Variants in CSAD observed in about 807,000 individuals in gnomAD.
CSAD encodes the protein cysteine sulfinic acid decarboxylase.
CSAD carries 47 observed loss-of-function variants against 61.5 expected under a neutral mutation model. That is an observed-to-expected ratio of 0.76 (90% CI 0.60 to 0.97). CSAD has a LOEUF of 0.97. Ranked by LOEUF, CSAD falls within the 50% of genes least tolerant of loss-of-function variation. The probability of loss-of-function intolerance (pLI) is 0.00; values close to 1 mark genes in which losing one functional copy is unlikely to be tolerated. For synonymous variants in CSAD, 245 were observed against 252.7 expected, an observed-to-expected ratio of 0.97 and a Z score of 0.29; for missense variants, 611 against 643.6, an observed-to-expected ratio of 0.95 and a Z score of 0.55.
In CSAD at chr12:53,170,714, ATTTG is replaced by A. The variant is rs1176101382; in HGVS notation, c.568-216_568-213del. The stretch of plus-strand genomic sequence containing the variant: ...TCTAGGGTGGGGCCCAAGATTCTGC[ATTTG>A]TTTGTTTTTTTTTTTTTTGGAGACA... On this transcript the variant is annotated intron_variant, in intron 8 of 16. Transcript: ENST00000444623. 4.5e-4 allele frequency: 246 copies of A among 550,528 alleles called. 1 individual carries two copies. Among genetic ancestry groups the A allele is most frequent in the African/African-American group, 4.4e-3 (221 of 50,706 alleles). The allele number at this position is 550,528 out of a possible 1,614,324, so 34.1% of individuals were successfully genotyped here.
At chr12:53,169,963 G>A (rs2121509602) in intron 10 of CSAD, 109 bp downstream of exon 10, 2 of 931,004 alleles carry the variant, frequency 2.1e-6, no homozygotes, top group East Asian at 2.4e-5. Flanking sequence ...CCACAGGGGA[G>A]ATGGGCATGG....
chr12:53,162,259 C>A (rs1939374136), intron 10 of CSAD, among the ~76,000 whole-genome samples: 1 of 151,074 alleles, frequency 6.6e-6, no homozygotes, highest in African/African-American at 2.4e-5. Flanking sequence ...GGCAAAAGAG[C>A]AAGATTCTGT....
chr12:53,173,655 G>A lies in CSAD; in HGVS notation c.-7+73C>T, dbSNP rs1180957698. 4.2e-6 allele frequency: 6 copies of A among 1,437,984 alleles called. No homozygotes were observed. The African/African-American group carries it at 5.6e-5, about 13-fold the overall frequency. The allele number at this position is 1,437,984 out of a possible 1,614,324, so 89.1% of individuals were successfully genotyped here. The stretch of plus-strand genomic sequence containing the variant: ...GGAGAAAACCAGTGGGAACAGGTGG[G>A]AGAGAAAAGGCAGTCAGTGCTGAGC... On this transcript the variant is annotated intron_variant, in intron 3 of 16. Coordinates refer to ENST00000444623, the MANE Select transcript of CSAD (RefSeq NM_001244705.2).
At chr12:53,164,925 G>A (rs1360687391) in intron 10 of CSAD, among the ~76,000 whole-genome samples, 2 of 152,044 alleles carry the variant, frequency 1.3e-5, no homozygotes, top group African/African-American at 4.8e-5. Context: ...TTGCTAATAA[G>A]CACATGAAAA....
rs781132179 is a variant in CSAD at position 53,171,453 on chromosome 12, A to AG, written c.452-13dup. The AG allele has an allele frequency of 6.2e-7, 1 of 1,612,870 alleles. No homozygotes were observed. Among genetic ancestry groups the AG allele is most frequent in the Non-Finnish European group, 8.5e-7 (1 of 1,179,786 alleles). On this transcript the variant is annotated splice_polypyrimidine_tract_variant and intron_variant, in intron 7 of 16. Transcript: ENST00000444623. ...GGAGATGGAGCCACCTGTCACAGGG[A>AG]GGGGGCGGTGGCAAGAGGAAGGAGC...
chr12:53,172,334 T>C lies in CSAD; in HGVS notation c.344+12A>G. 6.2e-7 allele frequency: 1 copy of C among 1,611,656 alleles called. No individual in the cohort carries two copies. Among genetic ancestry groups the C allele is most frequent in the Admixed American group, 1.7e-5 (1 of 60,014 alleles). On this transcript the variant is annotated intron_variant, in intron 6 of 16. Coordinates refer to ENST00000444623, the MANE Select transcript of CSAD (RefSeq NM_001244705.2). ...CCTTTGTGGGATGGTAGAGGGGCCT[T>C]GGGATGCTCACTGGCTGGTGTTGAG...
chr12:53,162,176 G>A (rs1400877650), intron 10 of CSAD, among the ~76,000 whole-genome samples: 2 of 151,956 alleles, frequency 1.3e-5, no homozygotes, highest in Non-Finnish European at 2.9e-5. Flanking sequence ...CCGAGGCAGA[G>A]GCATGAGAAT....
At chr12:53,159,764 T>TCCCTCTCCCTGCCCCTTTC (rs781687284) in intron 15 of CSAD, 52 bp from the exon 16 acceptor site, 5 of 1,539,824 alleles carry the variant, frequency 3.2e-6, no homozygotes, top group African/African-American at 1.4e-5. Context: ...GGGACCGTTT[T>TCCCTCTCCCTGCCCCTTTC]CCCTCTCCCT....
At chr12:53,162,576 T>C (rs1939412349) in intron 10 of CSAD, among the ~76,000 whole-genome samples, 1 of 152,140 alleles carries the variant, frequency 6.6e-6, no homozygotes, top group African/African-American at 2.4e-5. Flanking sequence ...TCTAAATAAA[T>C]AAATAAATTT....
chr12:53,170,757 G>A lies in CSAD; in HGVS notation c.568-255C>T, dbSNP rs529497608. On this transcript the variant is annotated intron_variant, in intron 8 of 16. Transcript: ENST00000444623. The stretch of plus-strand genomic sequence containing the variant: ...TTTTTGGAGACAAGAGTCTCCCTCT[G>A]TCACCCAGGCTGGAGTGCAGTGGTG... 119 of 480,922 alleles carry A rather than the reference G, an allele frequency of 2.5e-4. 3 individuals carry two copies. In the South Asian group the frequency reaches 2.5e-3, roughly 10 times the overall value. The allele number at this position is 480,922 out of a possible 1,614,324, so 29.8% of individuals were successfully genotyped here.
intron 2 of CSAD, among the ~76,000 whole-genome samples, chr12:53,176,893 G>A (rs1268816219): frequency 3.3e-5 from 5 of 151,714 alleles, no homozygotes; most frequent in Admixed American, 6.6e-5. Flanking sequence ...CCAGCATGCC[G>A]GGTTAATTTT....
intron 2 of CSAD, 65 bp from the exon 3 acceptor site, chr12:53,173,835 T>C (rs1940879665): frequency 6.6e-7 from 1 of 1,516,352 alleles, no homozygotes; most frequent in Non-Finnish European, 9.0e-7. Context: ...AAGTGTTTTT[T>C]TCATAAATTC....
chr12:53,167,386 C>A (rs960435352), intron 10 of CSAD, among the ~76,000 whole-genome samples: 1 of 152,232 alleles, frequency 6.6e-6, no homozygotes, highest in Non-Finnish European at 1.5e-5. Flanking sequence ...CTCAACCATC[C>A]CTTCTGAGGG....
upstream of CSAD, chr12:53,181,014 T>C (rs898858782): frequency 1.4e-5 from 12 of 849,170 alleles, no homozygotes; most frequent in African/African-American, 2.1e-4. Flanking sequence ...CACCGCCCCC[T>C]GCCCGCGCGT....
chr12:53,173,824 T>G (rs1940877285), intron 2 of CSAD, 54 bp from the exon 3 acceptor site: 30 of 1,576,606 alleles, frequency 1.9e-5, no homozygotes, highest in Non-Finnish European at 2.6e-5. Context: ...AGTGTACAAT[T>G]AAGTGTTTTT....
Position 53,163,298 on chromosome 12 carries a change from G to C in CSAD, c.703-1909C>G, listed in dbSNP as rs1473555897. ...GAGGCAGGAGGATCACTTGAGCCCA[G>C]GTGGTCAAGGCTGCAGTGAGCCCTG... On this transcript the variant is annotated intron_variant, in intron 10 of 16. Coordinates refer to ENST00000444623, the MANE Select transcript of CSAD (RefSeq NM_001244705.2). Among the ~76,000 whole-genome samples the C allele has an allele frequency of 1.3e-5, 2 of 152,126 alleles. 1 individual carries two copies. The highest frequency in any genetic ancestry group is 1.3e-4 in the Admixed American group (2 of 15,266).
At position 53,180,410 on chromosome 12, in the gene CSAD, A is replaced by T. The variant is rs951908189; in HGVS notation, c.-91+322T>A. 11 of 983,950 alleles carry T rather than the reference A, an allele frequency of 1.1e-5. No homozygotes were observed. In the African/African-American group the frequency reaches 1.8e-4, roughly 16 times the overall value. The allele number at this position is 983,950 out of a possible 1,614,324, so 61.0% of individuals were successfully genotyped here. On this transcript the variant is annotated intron_variant, in intron 1 of 16. Coordinates refer to ENST00000444623, the MANE Select transcript of CSAD (RefSeq NM_001244705.2). ...GAGTCTGAACCAGCTCACCCAGCAA[A>T]CCCTCCTCCCATCGAGCACCCAGCG...
rs758358232 is a variant in CSAD at position 53,160,223 on chromosome 12, G to A, written c.1063C>T (p.Gln355Ter). Residue 355 changes from glutamine to a stop codon, truncating the protein, a stop_gained, in exon 14 of 17, where the codon CAG becomes TAG. Coordinates refer to ENST00000444623, the MANE Select transcript of CSAD (RefSeq NM_001244705.2). LOFTEE classifies it high-confidence loss of function. Reference protein sequence around the residue: ...VALDTGDKVVQCGRRVDCLKL... With the variant: ...VALDTGDKVV ...AGACAGTCCACACGGCGGCCACACTGCACCACCTTGTCTCCCGTGTCCAGA... is the reference window on the plus strand; with the variant it reads ...AGACAGTCCACACGGCGGCCACACTACACCACCTTGTCTCCCGTGTCCAGA... 1 of 1,614,210 alleles carries A rather than the reference G, an allele frequency of 6.2e-7. No individual in the cohort carries two copies. The highest frequency in any genetic ancestry group is 1.1e-5 in the South Asian group (1 of 91,090).
chr12:53,181,182 G>T (rs1032505638), upstream of CSAD: 2 of 985,272 alleles, frequency 2.0e-6, no homozygotes, highest in African/African-American at 3.5e-5. Context: ...CGCCGCGCCG[G>T]GCTTCGCCTG....
Sources: allele counts gnomAD v4.1 joint callset (sites outside exome capture counted in the v4.1 genomes callset), GRCh38; gene constraint gnomAD v4.1.1; transcripts MANE v1.5; gene names NCBI Gene and HGNC (gene_info 2026-07-23, HGNC 2026-07-21).